SMYD3: variants seen among roughly 807,000 people sequenced by gnomAD.
The protein encoded by SMYD3 is histone-lysine N-methyltransferase SMYD3.
In SMYD3, 36 loss-of-function variants were observed where a neutral mutation model predicts 57.7. The ratio of observed to expected loss-of-function variants is 0.62; its 90% CI spans 0.48 to 0.82. The LOEUF (loss-of-function observed/expected upper bound fraction) is 0.82, where lower values mean the gene tolerates loss of function less well. SMYD3 is among the 40% of genes least tolerant of loss of function. SMYD3 has a pLI of 0.00. For synonymous variants in SMYD3, 211 were observed against 195.0 expected (o/e 1.08, Z -0.68); for missense variants, 515 against 538.8 (o/e 0.96, Z 0.44).
intron 5 of SMYD3, among the ~76,000 whole-genome samples, chr1:245,965,177 T>C (rs2058109277): frequency 6.6e-6 from 1 of 152,190 alleles, no homozygotes; most frequent in African/African-American, 2.4e-5. Flanking sequence ...TTCAAAATAA[T>C]AGCAACAATG....
chr1:246,051,627 CA>C (rs35587213), intron 5 of SMYD3, among the ~76,000 whole-genome samples: 3,005 of 149,160 alleles, frequency 0.02, 141 homozygotes, highest in East Asian at 0.16. Flanking sequence ...AACTGTAGGC[CA>C]TAAAATTAAT....
intron 5 of SMYD3, among the ~76,000 whole-genome samples, chr1:246,072,473 A>G (rs977463105): frequency 2.0e-5 from 3 of 152,156 alleles, no homozygotes; most frequent in African/African-American, 4.8e-5. Context: ...TGTTAGTTCT[A>G]TCATGTTAGA....
chr1:246,190,593 A>G (rs867570604), intron 5 of SMYD3, among the ~76,000 whole-genome samples: 292 of 150,768 alleles, frequency 1.9e-3, no homozygotes, highest in African/African-American at 6.8e-3. Context: ...TCAAAAAAAA[A>G]AAAAAAAAAA....
At chr1:246,096,567 TC>T (rs1378644177) in intron 5 of SMYD3, 1 of 152,236 alleles carries the variant, frequency 6.6e-6, no homozygotes, top group Non-Finnish European at 1.5e-5. Flanking sequence ...CCTGGCAATC[TC>T]AGTCCATTGT....
intron 10 of SMYD3, among the ~76,000 whole-genome samples, chr1:245,851,134 T>G (rs2050950451): frequency 6.6e-6 from 1 of 152,136 alleles, no homozygotes; most frequent in Non-Finnish European, 1.5e-5. Context: ...TCTAAAAACC[T>G]TGTCCATCAC....
chr1:245,766,882 A>AC (rs2046133461), intron 10 of SMYD3, among the ~76,000 whole-genome samples: 1 of 152,236 alleles, frequency 6.6e-6, no homozygotes, highest in Non-Finnish European at 1.5e-5. Context: ...AGTAGAGCTT[A>AC]CAAAGGAGAG....
At chr1:245,987,457 A>C (rs1189305849) in intron 5 of SMYD3, among the ~76,000 whole-genome samples, 1 of 152,012 alleles carries the variant, frequency 6.6e-6, no homozygotes. Flanking sequence ...GATCTAGAAA[A>C]AAAACAATTG....
chr1:246,162,708 A>G (rs2062142377), intron 5 of SMYD3, among the ~76,000 whole-genome samples: 2 of 152,206 alleles, frequency 1.3e-5, no homozygotes, highest in African/African-American at 4.8e-5. Context: ...TAAGTACAAT[A>G]CAATGTGAGG....
At position 245,999,837 on chromosome 1, in the gene SMYD3, G is replaced by A. The variant is rs78141311; in HGVS notation, c.532-69900C>T. ...ATAAAGCAGAAAGAGCACGGAACTC[G>A]AGGTTATAAAATCTGCTTTAAAATC... On this transcript the variant is annotated intron_variant, in intron 5 of 11. Transcript: ENST00000490107. 8.4e-3 allele frequency among the ~76,000 whole-genome samples: 1,274 copies of A among 152,254 alleles called. 7 individuals carry two copies. Among genetic ancestry groups the A allele is most frequent in the Middle Eastern group, 0.034 (10 of 294 alleles).
chr1:246,257,893 G>GTT (rs1479191101), intron 5 of SMYD3, among the ~76,000 whole-genome samples: 1 of 152,168 alleles, frequency 6.6e-6, no homozygotes, highest in Non-Finnish European at 1.5e-5. Context: ...CTTCTGCCTT[G>GTT]TAAGACGGCT....
intron 5 of SMYD3, among the ~76,000 whole-genome samples, chr1:245,932,455 T>C (rs1305022293): frequency 6.6e-6 from 1 of 152,204 alleles, no homozygotes; most frequent in Non-Finnish European, 1.5e-5. Context: ...CTTGCCATCA[T>C]ACACAACTGG....
rs571661286 is a variant in SMYD3 at position 245,782,855 on chromosome 1, A to G, written c.1077-18706T>C. Among the ~76,000 whole-genome samples, 332 of 152,344 alleles carry G rather than the reference A, an allele frequency of 2.2e-3. 2 individuals are homozygous for G. The highest frequency in any genetic ancestry group is 3.8e-3 in the Non-Finnish European group (260 of 68,030). ...AGTCTAGGAGTTCTTCTGAGCCACAATTTTGCTGAGGGCAATGCATAGTGA... is the reference window on the plus strand; with the variant it reads ...AGTCTAGGAGTTCTTCTGAGCCACAGTTTTGCTGAGGGCAATGCATAGTGA... On this transcript the variant is annotated intron_variant, in intron 10 of 11. Coordinates refer to ENST00000490107, the MANE Select transcript of SMYD3 (RefSeq NM_001167740.2).
chr1:245,854,264 A>G (rs1283490368), intron 10 of SMYD3, among the ~76,000 whole-genome samples: 1 of 152,180 alleles, frequency 6.6e-6, no homozygotes. Flanking sequence ...GGGGAGGTAC[A>G]ATTTGGAAAT....
At chr1:246,205,637 T>C (rs924662865) in intron 5 of SMYD3, among the ~76,000 whole-genome samples, 2 of 151,692 alleles carry the variant, frequency 1.3e-5, no homozygotes, top group African/African-American at 4.9e-5. Context: ...CTGGCCAATA[T>C]GGTGAAACCC....
intron 1 of SMYD3, among the ~76,000 whole-genome samples, chr1:246,457,343 C>A (rs2067712959): frequency 6.6e-6 from 1 of 151,900 alleles, no homozygotes; most frequent in Non-Finnish European, 1.5e-5. Context: ...ACCAGCCTGG[C>A]CAACATGGTG....
chr1:246,174,619 G>C (rs192754350), intron 5 of SMYD3, among the ~76,000 whole-genome samples: 33 of 152,114 alleles, frequency 2.2e-4, no homozygotes, highest in Admixed American at 3.9e-4. Flanking sequence ...ACTAATTTTT[G>C]TATTTTTAGT....
intron 1 of SMYD3, among the ~76,000 whole-genome samples, chr1:246,437,398 T>C (rs2067396600): frequency 6.6e-6 from 1 of 152,224 alleles, no homozygotes; most frequent in Admixed American, 6.5e-5. Flanking sequence ...AGCTGAATGC[T>C]TACCAGTGTC....
In SMYD3 at chr1:245,858,609, G is replaced by A. The variant is rs138914020; in HGVS notation, c.963C>T (p.Pro321=). The change falls in exon 10 of 12, where the codon CCC becomes CCT. Residue 321 remains proline, a synonymous_variant. Transcript: ENST00000490107. Reference sequence around the variant, plus strand: ...CCTTCAGCTGGTAGATGTTGATATCGGGAAGCCGTTCAGAATTGCTGCTTA... The same window carrying A: ...CCTTCAGCTGGTAGATGTTGATATCAGGAAGCCGTTCAGAATTGCTGCTTA... ...AIISSNSERL[P]DINIYQLKVL... The A allele has an allele frequency of 1.6e-4, 257 of 1,614,094 alleles. No homozygotes were observed. Among genetic ancestry groups the A allele is most frequent in the Middle Eastern group, 4.9e-4 (3 of 6,084 alleles).
intron 10 of SMYD3, among the ~76,000 whole-genome samples, chr1:245,769,589 A>G (rs550899261): frequency 5.3e-5 from 8 of 152,362 alleles, no homozygotes; most frequent in African/African-American, 1.7e-4. Context: ...GCCAAATACG[A>G]GGTGCAGACC....
Sources: allele counts gnomAD v4.1 joint callset (sites outside exome capture counted in the v4.1 genomes callset), GRCh38; gene constraint gnomAD v4.1.1; transcripts MANE v1.5; gene names NCBI Gene and HGNC (gene_info 2026-07-23, HGNC 2026-07-21).